Variants in MMP16 observed in about 807,000 individuals in gnomAD.
The protein encoded by MMP16 is matrix metalloproteinase-16.
Under a neutral mutation model 67.8 loss-of-function variants are expected in MMP16, and 12 were observed. That is an observed-to-expected ratio of 0.18 (90% CI 0.11 to 0.29). The LOEUF is 0.29. Ranked by LOEUF, MMP16 falls within the 10% of genes least tolerant of loss-of-function variation. MMP16 has a pLI of 1.00. For synonymous variants in MMP16, 249 were observed against 255.9 expected (o/e 0.97, Z 0.26); for missense variants, 475 against 765.7 (o/e 0.62, Z 4.48).
chr8:88,307,031 T>A (rs1320576537), intron 1 of MMP16, among the ~76,000 whole-genome samples: 1 of 152,172 alleles, frequency 6.6e-6, no homozygotes, highest in Middle Eastern at 3.2e-3. Context: ...GAAAACCCCA[T>A]TGTCTCAACC....
At position 88,163,383 on chromosome 8, in the gene MMP16, T is replaced by C. The variant is rs117574536; in HGVS notation, c.709+4286A>G. Among the ~76,000 whole-genome samples the C allele has an allele frequency of 7.8e-3, 1,192 of 152,198 alleles. 17 individuals carry two copies. The highest frequency in any genetic ancestry group is 0.075 in the Middle Eastern group (22 of 294). On this transcript the variant is annotated intron_variant, in intron 4 of 9. Coordinates refer to ENST00000286614, the MANE Select transcript of MMP16 (RefSeq NM_005941.5). The stretch of plus-strand genomic sequence containing the variant: ...CATCTTTATCATAATTTGTCTCTTT[T>C]TGTTTTTTTGACAGCCTGCTACCAC...
At chr8:88,124,227 T>C (rs1807888581) in intron 4 of MMP16, among the ~76,000 whole-genome samples, 4 of 151,994 alleles carry the variant, frequency 2.6e-5, no homozygotes. Flanking sequence ...ACTTGCAGAA[T>C]TAAAAAAATA....
At chr8:88,071,337 T>C (rs1808550116) in intron 7 of MMP16, among the ~76,000 whole-genome samples, 1 of 152,114 alleles carries the variant, frequency 6.6e-6, no homozygotes, top group African/African-American at 2.4e-5. Flanking sequence ...ACAAGGTTAA[T>C]ACCTTTAGGT....
chr8:88,052,627 G>GGGCTACAGGGCCCTGTGAAATCT (rs1808284836), intron 8 of MMP16, among the ~76,000 whole-genome samples: 2 of 152,170 alleles, frequency 1.3e-5, no homozygotes, highest in African/African-American at 4.8e-5. Flanking sequence ...TGTTTGCCAT[G>GGGCTACAGGGCCCTGTGAAATCT]GGCTACAGGG....
intron 1 of MMP16, among the ~76,000 whole-genome samples, chr8:88,220,634 G>A (rs1417757550): frequency 6.6e-6 from 1 of 151,904 alleles, no homozygotes; most frequent in Non-Finnish European, 1.5e-5. Flanking sequence ...TATTCATTAG[G>A]AGTTGCAAAG....
chr8:88,275,633 A>C (rs1810636632), intron 1 of MMP16, among the ~76,000 whole-genome samples: 1 of 151,868 alleles, frequency 6.6e-6, no homozygotes, highest in Non-Finnish European at 1.5e-5. Flanking sequence ...TGAATATTTA[A>C]AAAACACATA....
chr8:88,165,467 T>A (rs1808697248), intron 4 of MMP16, among the ~76,000 whole-genome samples: 1 of 152,012 alleles, frequency 6.6e-6, no homozygotes, highest in African/African-American at 2.4e-5. Flanking sequence ...AAGAAAATCT[T>A]TCCCCTGGAA....
intron 4 of MMP16, among the ~76,000 whole-genome samples, chr8:88,137,751 T>C (rs751320183): frequency 3.3e-5 from 5 of 151,978 alleles, no homozygotes. Context: ...GTGTCCTATA[T>C]GCATGTCTCT....
At chr8:88,285,047 C>T (rs147059004) in intron 1 of MMP16, among the ~76,000 whole-genome samples, 34 of 152,226 alleles carry the variant, frequency 2.2e-4, no homozygotes, top group African/African-American at 7.9e-4. Context: ...AGCATATGTT[C>T]TTGTTGTACC....
At chr8:88,181,892 A>G (rs1320959861) in intron 3 of MMP16, among the ~76,000 whole-genome samples, 1 of 152,070 alleles carries the variant, frequency 6.6e-6, no homozygotes, top group Non-Finnish European at 1.5e-5. Flanking sequence ...GAGCAAAGGC[A>G]ATACAATGGA....
intron 1 of MMP16, among the ~76,000 whole-genome samples, chr8:88,200,046 A>T (rs901745984): frequency 1.3e-5 from 2 of 152,164 alleles, no homozygotes; most frequent in Middle Eastern, 3.4e-3. Flanking sequence ...TCAGTAAGTC[A>T]TACTATTATT....
At chr8:88,201,363 AGT>A (rs1412111205) in intron 1 of MMP16, among the ~76,000 whole-genome samples, 4 of 152,064 alleles carry the variant, frequency 2.6e-5, no homozygotes, top group African/African-American at 9.7e-5. Context: ...TTTCAAGTAT[AGT>A]TAATTTCCAC....
At chr8:88,109,473 C>T (rs1809297782) in intron 6 of MMP16, among the ~76,000 whole-genome samples, 1 of 151,078 alleles carries the variant, frequency 6.6e-6, no homozygotes, top group African/African-American at 2.4e-5. Flanking sequence ...TCACATAATC[C>T]ACAAAGCACA....
In MMP16 at chr8:88,032,838, G is replaced by C. The variant is rs1435940557; in HGVS notation, c.*8623C>G. The C allele has an allele frequency of 6.6e-6, 1 of 152,124 alleles. No individual in the cohort carries two copies. Among genetic ancestry groups the C allele is most frequent in the African/African-American group, 2.4e-5 (1 of 41,532 alleles). The allele number at this position is 152,124 out of a possible 1,614,324, so 9.4% of individuals were successfully genotyped here. A position where few individuals can be genotyped will look rare whatever the true frequency, so the allele number is the denominator to read the frequency against. On this transcript the variant is annotated 3_prime_UTR_variant, in exon 10 of 10. Coordinates refer to ENST00000286614, the MANE Select transcript of MMP16 (RefSeq NM_005941.5). ...TTATTTATTTCTTTCCTTGCACACA[G>C]AAGACTACATATTATCAAGAACTTA...
At chr8:88,226,163 C>G (rs1809766259) in intron 1 of MMP16, among the ~76,000 whole-genome samples, 1 of 151,844 alleles carries the variant, frequency 6.6e-6, no homozygotes, top group Non-Finnish European at 1.5e-5. Context: ...CTTCCTTTTC[C>G]CATTTTTTTC....
intron 4 of MMP16, among the ~76,000 whole-genome samples, chr8:88,141,168 C>T (rs2118501573): frequency 6.6e-6 from 1 of 152,152 alleles, no homozygotes; most frequent in Admixed American, 6.5e-5. Context: ...CTGCAAATGA[C>T]CAAGTGGAAG....
At chr8:88,142,431 C>A (rs1168978287) in intron 4 of MMP16, among the ~76,000 whole-genome samples, 1 of 151,962 alleles carries the variant, frequency 6.6e-6, no homozygotes, top group Non-Finnish European at 1.5e-5. Flanking sequence ...AGATTTACAT[C>A]TCTGCTTTAT....
At chr8:88,052,915 T>G (rs2118217434) in intron 8 of MMP16, among the ~76,000 whole-genome samples, 1 of 152,292 alleles carries the variant, frequency 6.6e-6, no homozygotes, top group South Asian at 2.1e-4. Context: ...GTCTCATTTC[T>G]CACTGTGAAA....
At chr8:88,053,612 C>T (rs1486404369) in intron 8 of MMP16, among the ~76,000 whole-genome samples, 2 of 152,046 alleles carry the variant, frequency 1.3e-5, no homozygotes, top group African/African-American at 2.4e-5. Context: ...AATAATAAAA[C>T]ATAAATTCTC....
Sources: allele counts gnomAD v4.1 joint callset (sites outside exome capture counted in the v4.1 genomes callset), GRCh38; gene constraint gnomAD v4.1.1; transcripts MANE v1.5; gene names NCBI Gene and HGNC (gene_info 2026-07-23, HGNC 2026-07-21).